The following DTWD2 variants were observed in gnomAD, a reference collection of about 807,000 sequenced individuals.
DTWD2 encodes the protein tRNA-uridine aminocarboxypropyltransferase 2.
DTWD2 carries 39 observed loss-of-function variants against 31.8 expected under a neutral mutation model. The observed-to-expected ratio is 1.22, with a 90% CI of 0.95 to 1.60. The LOEUF (loss-of-function observed/expected upper bound fraction) is 1.60, where lower values mean the gene tolerates loss of function less well. Ranked by LOEUF, DTWD2 falls within the 40% of genes most tolerant of loss-of-function variation. The pLI, the probability that DTWD2 is intolerant of heterozygous loss-of-function variation, is 0.00. For missense variants in DTWD2, 515 were observed against 381.5 expected, an observed-to-expected ratio of 1.35 and a Z score of -2.92; for synonymous variants, 180 against 142.8, an observed-to-expected ratio of 1.26 and a Z score of -1.86.
At chr5:118,877,160 C>A (rs939376702) in intron 4 of DTWD2, among the ~76,000 whole-genome samples, 1 of 152,172 alleles carries the variant, frequency 6.6e-6, no homozygotes, top group African/African-American at 2.4e-5. Context: ...CAATAAAATT[C>A]AACATCCATT....
intron 4 of DTWD2, among the ~76,000 whole-genome samples, chr5:118,891,091 T>C (rs964384124): frequency 5.3e-5 from 8 of 151,280 alleles, no homozygotes; most frequent in Non-Finnish European, 1.0e-4. Flanking sequence ...CCAGATGCAA[T>C]GGAAGAGATT....
intron 4 of DTWD2, among the ~76,000 whole-genome samples, chr5:118,860,325 T>C (rs1752232847): frequency 6.6e-6 from 1 of 151,160 alleles, no homozygotes; most frequent in Non-Finnish European, 1.5e-5. Context: ...CCTTGCACTT[T>C]TCATTTAAAT....
At chr5:118,848,271 A>G (rs1751908784) in intron 4 of DTWD2, 53 bp from the exon 5 acceptor site, 9 of 1,496,832 alleles carry the variant, frequency 6.0e-6, no homozygotes, top group Non-Finnish European at 7.2e-6. Flanking sequence ...TTAAAATTAT[A>G]AAGTTTGTGT....
At chr5:118,988,198 G>C in intron 1 of DTWD2, 96 bp downstream of exon 1, 2 of 1,461,776 alleles carry the variant, frequency 1.4e-6, no homozygotes, top group Non-Finnish European at 1.9e-6. Flanking sequence ...CCTAATCGCA[G>C]AGCTGCCCGA....
At chr5:118,976,113 G>A (rs1755150963) in intron 1 of DTWD2, among the ~76,000 whole-genome samples, 1 of 152,132 alleles carries the variant, frequency 6.6e-6, no homozygotes, top group South Asian at 2.1e-4. Flanking sequence ...TGAAATTAAG[G>A]CAGAAATAAA....
chr5:118,843,286 G>C (rs946235957), intron 5 of DTWD2, among the ~76,000 whole-genome samples: 1 of 151,412 alleles, frequency 6.6e-6, no homozygotes, highest in Non-Finnish European at 1.5e-5. Flanking sequence ...GAAAGAAAAG[G>C]AAGGAAGGGA....
At chr5:118,916,165 G>A (rs1175366261) in intron 4 of DTWD2, among the ~76,000 whole-genome samples, 2 of 152,214 alleles carry the variant, frequency 1.3e-5, no homozygotes, top group Admixed American at 6.5e-5. Context: ...ACAGTATGAA[G>A]ACTGTTGGAT....
chr5:118,923,837 G>A (rs1396554755), intron 4 of DTWD2, among the ~76,000 whole-genome samples: 1 of 152,124 alleles, frequency 6.6e-6, no homozygotes, highest in African/African-American at 2.4e-5. Flanking sequence ...CTCTTCCACC[G>A]GTAACAGCCT....
intron 4 of DTWD2, among the ~76,000 whole-genome samples, chr5:118,898,375 T>C (rs992023879): frequency 1.3e-5 from 2 of 151,864 alleles, no homozygotes; most frequent in Non-Finnish European, 2.9e-5. Flanking sequence ...ATAAATTTTA[T>C]GGCCGAGCAC....
intron 4 of DTWD2, among the ~76,000 whole-genome samples, chr5:118,898,111 T>C (rs1172519590): frequency 2.0e-5 from 3 of 151,768 alleles, no homozygotes; most frequent in Admixed American, 6.6e-5. Flanking sequence ...GTGATCCACC[T>C]GCCTTGACCT....
At chr5:118,976,806 A>G (rs1755172332) in intron 1 of DTWD2, among the ~76,000 whole-genome samples, 1 of 152,220 alleles carries the variant, frequency 6.6e-6, no homozygotes, top group South Asian at 2.1e-4. Context: ...AAATAATAGA[A>G]AAAGAGGGAC....
In DTWD2 at chr5:118,891,046, C is replaced by T. The variant is rs115393490; in HGVS notation, c.597+37491G>A. 7.1e-3 allele frequency among the ~76,000 whole-genome samples: 1,084 copies of T among 152,234 alleles called. 9 individuals are homozygous for T. Among genetic ancestry groups the T allele is most frequent in the African/African-American group, 0.024 (1,001 of 41,536 alleles). On this transcript the variant is annotated intron_variant, in intron 4 of 5. Coordinates refer to ENST00000510708, the MANE Select transcript of DTWD2 (RefSeq NM_173666.4). The stretch of plus-strand genomic sequence containing the variant: ...GAAAAATACGTACATATTTATACAA[C>T]AACTTTACCAATAAAGAGATTTCAT...
chr5:118,930,546 AAAAAG>A (rs1011851894), intron 3 of DTWD2, among the ~76,000 whole-genome samples: 2 of 152,188 alleles, frequency 1.3e-5, no homozygotes, highest in African/African-American at 4.8e-5. Context: ...CAGAGGAAAA[AAAAAG>A]AAAAGTAACC....
chr5:118,852,499 C>CA (rs1328812591), intron 4 of DTWD2, among the ~76,000 whole-genome samples: 1 of 152,026 alleles, frequency 6.6e-6, no homozygotes, highest in Non-Finnish European at 1.5e-5. Context: ...ATTCCCACAA[C>CA]AAAAAATCAC....
At chr5:118,969,805 TG>T (rs1471971440) in intron 1 of DTWD2, among the ~76,000 whole-genome samples, 2 of 151,990 alleles carry the variant, frequency 1.3e-5, no homozygotes, top group African/African-American at 4.8e-5. Flanking sequence ...CTCTCCAGCA[TG>T]GGTACAGAAC....
intron 1 of DTWD2, among the ~76,000 whole-genome samples, chr5:118,965,134 G>A (rs1158328713): frequency 2.8e-5 from 4 of 144,780 alleles, no homozygotes; most frequent in African/African-American, 7.9e-5. Flanking sequence ...CAGCTGCCCC[G>A]TCTGAGAAGT....
intron 1 of DTWD2, among the ~76,000 whole-genome samples, chr5:118,986,062 G>A (rs966466284): frequency 2.9e-4 from 44 of 152,232 alleles, no homozygotes; most frequent in African/African-American, 9.9e-4. Flanking sequence ...TTGAACAACT[G>A]AATTTTACCA....
At chr5:118,974,172 C>T (rs1755071240) in intron 1 of DTWD2, 1 of 1,468,618 alleles carries the variant, frequency 6.8e-7, no homozygotes, top group Non-Finnish European at 9.3e-7. Flanking sequence ...CCGCCTTGAC[C>T]TATTCACCCT....
At chr5:118,964,596 C>A (rs561443429) in intron 1 of DTWD2, among the ~76,000 whole-genome samples, 3 of 152,242 alleles carry the variant, frequency 2.0e-5, no homozygotes, top group East Asian at 1.9e-4. Context: ...CGTGCCGCCA[C>A]GCCTGACTGG....
Sources: allele counts gnomAD v4.1 joint callset (sites outside exome capture counted in the v4.1 genomes callset), GRCh38; gene constraint gnomAD v4.1.1; transcripts MANE v1.5; gene names NCBI Gene and HGNC (gene_info 2026-07-23, HGNC 2026-07-21).